The following COL12A1 variants were observed in gnomAD, a reference collection of about 807,000 sequenced individuals.
COL12A1 encodes collagen type XII alpha 1 chain.
COL12A1 carries 114 observed loss-of-function variants against 349.7 expected under a neutral mutation model. The ratio of observed to expected loss-of-function variants is 0.33; its 90% CI spans 0.28 to 0.38. The LOEUF (loss-of-function observed/expected upper bound fraction) is 0.38, where lower values mean the gene tolerates loss of function less well. Ranked by LOEUF, COL12A1 falls within the 10% of genes least tolerant of loss-of-function variation. The probability of loss-of-function intolerance (pLI) is 1.00; values close to 1 mark genes in which losing one functional copy is unlikely to be tolerated. For synonymous variants in COL12A1, 1,369 were observed against 1,329.0 expected, an observed-to-expected ratio of 1.03 and a Z score of -0.66; for missense variants, 3,284 against 3,756.9, an observed-to-expected ratio of 0.87 and a Z score of 3.29.
intron 11 of COL12A1, among the ~76,000 whole-genome samples, chr6:75,179,331 GAC>G (rs1769139778): frequency 6.6e-6 from 1 of 152,088 alleles, no homozygotes; most frequent in Non-Finnish European, 1.5e-5. Flanking sequence ...CCTCTCTTGA[GAC>G]AGATTTCCCA....
intron 40 of COL12A1, among the ~76,000 whole-genome samples, chr6:75,124,669 T>C (rs1413481817): frequency 6.6e-6 from 1 of 152,170 alleles, no homozygotes. Context: ...GGCTATCTGC[T>C]AAGTCGTTAA....
chr6:75,179,730 G>A (rs1391664316), intron 11 of COL12A1, among the ~76,000 whole-genome samples: 1 of 152,098 alleles, frequency 6.6e-6, no homozygotes, highest in East Asian at 1.9e-4. Context: ...GTCAAAAGAG[G>A]AAAGAACAAT....
intron 23 of COL12A1, 125 bp from the exon 24 acceptor site, chr6:75,146,369 TAA>T (rs1376279596): frequency 9.4e-6 from 10 of 1,064,290 alleles, no homozygotes; most frequent in East Asian, 3.0e-5. Flanking sequence ...GAGAAATCAA[TAA>T]GAGTTAATAT....
Position 75,084,382 on chromosome 6 carries a change from A to G in COL12A1, c.*2165T>C, listed in dbSNP as rs534114820. The G allele has an allele frequency of 6.5e-6, 1 of 152,714 alleles. No homozygotes were observed. The highest frequency in any genetic ancestry group is 2.1e-4 in the South Asian group (1 of 4,830). 9.5% of individuals were successfully genotyped at this position (152,714 alleles called of 1,614,324 possible). ...CTCTTTTGTTTCAGAAATAAATAAT[A>G]TAAGGCAGTGAAATTCACAATCTGC... On this transcript the variant is annotated 3_prime_UTR_variant, in exon 66 of 66. Coordinates refer to ENST00000322507, the MANE Select transcript of COL12A1 (RefSeq NM_004370.6).
intron 64 of COL12A1, among the ~76,000 whole-genome samples, chr6:75,088,129 C>G (rs1767592079): frequency 6.6e-6 from 1 of 152,188 alleles, no homozygotes. Context: ...CTCCACACCT[C>G]CAGCCTATGC....
At chr6:75,097,421 C>T (rs1768101243) in intron 58 of COL12A1, 115 bp from the exon 59 acceptor site, 3 of 668,330 alleles carry the variant, frequency 4.5e-6, no homozygotes, top group Non-Finnish European at 7.7e-6. Context: ...GCCCAACATG[C>T]TGTTTGGGAG....
intron 2 of COL12A1, among the ~76,000 whole-genome samples, chr6:75,196,910 T>C (rs1463169415): frequency 1.3e-5 from 2 of 152,198 alleles, no homozygotes; most frequent in Non-Finnish European, 2.9e-5. Flanking sequence ...GGATTCCAGA[T>C]AAACTGAAAA....
intron 10 of COL12A1, among the ~76,000 whole-genome samples, chr6:75,181,727 A>T (rs1268748104): frequency 6.6e-6 from 1 of 152,188 alleles, no homozygotes; most frequent in Admixed American, 6.5e-5. Flanking sequence ...TTTAACACAT[A>T]CAGTAAATCC....
At chr6:75,124,780 A>AAT (rs1765930772) in intron 40 of COL12A1, among the ~76,000 whole-genome samples, 1 of 152,158 alleles carries the variant, frequency 6.6e-6, no homozygotes, top group East Asian at 1.9e-4. Flanking sequence ...GAATTTAGGT[A>AAT]ATATATATCT....
chr6:75,137,292 T>C (rs1336752731), intron 31 of COL12A1, 145 bp downstream of exon 31: 1 of 734,110 alleles, frequency 1.4e-6, no homozygotes, highest in Non-Finnish European at 2.1e-6. Flanking sequence ...GAGTGCCAGC[T>C]AAAGAGTCAG....
intron 6 of COL12A1, 54 bp from the exon 7 acceptor site, chr6:75,189,435 G>A (rs1305746722): frequency 6.3e-7 from 1 of 1,583,590 alleles, no homozygotes; most frequent in Non-Finnish European, 8.6e-7. Flanking sequence ...TTTTTCCAAA[G>A]TCAAAAACTA....
chr6:75,094,069 G>A (rs1052219395), intron 60 of COL12A1, among the ~76,000 whole-genome samples: 1 of 152,146 alleles, frequency 6.6e-6, no homozygotes, highest in Non-Finnish European at 1.5e-5. Context: ...TGGTGCAAAC[G>A]TAATTATGGT....
chr6:75,148,971 G>A lies in COL12A1; in HGVS notation c.4148-474C>T, dbSNP rs1562226296. Among the ~76,000 whole-genome samples, 3 of 152,192 alleles carry A rather than the reference G, an allele frequency of 2.0e-5. No individual in the cohort carries two copies. The East Asian group carries it at 5.8e-4, about 30-fold the overall frequency. On this transcript the variant is annotated intron_variant, in intron 21 of 65. Coordinates refer to ENST00000322507, the MANE Select transcript of COL12A1 (RefSeq NM_004370.6). ...CTCACGAGGTCTAATGCTTTTATAA[G>A]GGTTTACTCTTTCACTTGGCTCTCA...
chr6:75,182,385 C>CG (rs1203395524), intron 10 of COL12A1, among the ~76,000 whole-genome samples: 5 of 151,912 alleles, frequency 3.3e-5, no homozygotes, highest in Non-Finnish European at 7.4e-5. Context: ...CTATAGGTCC[C>CG]GGTGTGTGAT....
chr6:75,156,371 T>TG lies in COL12A1; in HGVS notation c.3135dup (p.Thr1046HisfsTer17). On this transcript the variant is annotated frameshift_variant, in exon 15 of 66. Transcript: ENST00000322507. LOFTEE classifies it high-confidence loss of function. ...CGCTTTAACACTGTCGAAGTGACTG[T>TG]GGGGGGCACCTTAGCAACCATTTGC... The TG allele has an allele frequency of 1.2e-6, 2 of 1,613,952 alleles. No individual in the cohort carries two copies. The highest frequency in any genetic ancestry group is 1.1e-5 in the South Asian group (1 of 91,082).
intron 58 of COL12A1, among the ~76,000 whole-genome samples, chr6:75,097,846 G>A (rs1277002900): frequency 6.6e-6 from 1 of 151,930 alleles, no homozygotes; most frequent in Non-Finnish European, 1.5e-5. Context: ...TTTTCCCTTT[G>A]GTGCGTTCTC....
chr6:75,105,191 T>G lies in COL12A1; in HGVS notation c.8265+15A>C. The G allele has an allele frequency of 6.2e-7, 1 of 1,605,648 alleles. No individual in the cohort carries two copies. Among genetic ancestry groups the G allele is most frequent in the East Asian group, 2.2e-5 (1 of 44,808 alleles). On this transcript the variant is annotated intron_variant, in intron 54 of 65. Coordinates refer to ENST00000322507, the MANE Select transcript of COL12A1 (RefSeq NM_004370.6). ...TTCAAAGGAAAAACCAGAGGATCTATTTCAATTTCCTTACTGCAGGGCCTG... is the reference window on the plus strand; with the variant it reads ...TTCAAAGGAAAAACCAGAGGATCTAGTTCAATTTCCTTACTGCAGGGCCTG...
intron 34 of COL12A1, 136 bp from the exon 35 acceptor site, chr6:75,132,218 A>G (rs1766337425): frequency 5.2e-6 from 6 of 1,153,648 alleles, no homozygotes; most frequent in Non-Finnish European, 7.2e-6. Context: ...CCTACACACA[A>G]AGGCAGATTA....
chr6:75,115,657 C>T, intron 49 of COL12A1, 127 bp downstream of exon 49: 1 of 1,220,036 alleles, frequency 8.2e-7, no homozygotes, highest in Non-Finnish European at 1.1e-6. Flanking sequence ...TTAAGAAAAC[C>T]AATCAGGGTC....
Sources: gnomAD v4.1 joint callset for allele counts (sites outside exome capture counted in the v4.1 genomes callset) on GRCh38, gnomAD v4.1.1 for gene constraint, MANE v1.5 for transcripts, NCBI Gene and HGNC (gene_info 2026-07-23, HGNC 2026-07-21) for gene names.